ITSN2: variants seen among roughly 807,000 people sequenced by gnomAD.
ITSN2 encodes intersectin 2.
A neutral mutation model predicts 243.7 loss-of-function variants in ITSN2; 156 were observed. That is an observed-to-expected ratio of 0.64 (90% CI 0.56 to 0.73). ITSN2 has a LOEUF of 0.73. ITSN2 is among the 30% of genes least tolerant of loss of function. ITSN2 has a pLI of 0.00. For missense variants in ITSN2, 1,801 were observed against 1,996.1 expected, an observed-to-expected ratio of 0.90 and a Z score of 1.86; for synonymous variants, 703 against 699.9, an observed-to-expected ratio of 1.00 and a Z score of -0.07.
intron 1 of ITSN2, among the ~76,000 whole-genome samples, chr2:24,350,694 A>G (rs1017342874): frequency 1.4e-4 from 22 of 152,238 alleles, no homozygotes; most frequent in African/African-American, 5.3e-4. Context: ...GATCTATGCT[A>G]TAACATTGAT....
intron 25 of ITSN2, 53 bp from the exon 26 acceptor site, chr2:24,248,935 A>C: frequency 6.6e-7 from 1 of 1,521,440 alleles, no homozygotes; most frequent in East Asian, 2.3e-5. Context: ...TCCAAATGTA[A>C]AAGTATAAAG....
At chr2:24,241,864 G>A (rs1356020942) in intron 29 of ITSN2, 1 of 152,520 alleles carries the variant, frequency 6.6e-6, no homozygotes, top group Non-Finnish European at 1.5e-5. Context: ...CAAATAGTGG[G>A]TCTTTGTGTG....
intron 1 of ITSN2, among the ~76,000 whole-genome samples, chr2:24,358,744 AT>A (rs890052924): frequency 7.9e-5 from 12 of 152,218 alleles, no homozygotes; most frequent in African/African-American, 2.7e-4. Context: ...GAAAATACAA[AT>A]TTTTTAACAC....
At chr2:24,224,197 C>T (rs899507880) in intron 29 of ITSN2, among the ~76,000 whole-genome samples, 1 of 152,222 alleles carries the variant, frequency 6.6e-6, no homozygotes, top group African/African-American at 2.4e-5. Context: ...CCCCACCTCC[C>T]ACACCACTGT....
chr2:24,317,540 G>A (rs1684079198), intron 2 of ITSN2, among the ~76,000 whole-genome samples: 1 of 152,226 alleles, frequency 6.6e-6, no homozygotes. Flanking sequence ...CAGCCTCAGA[G>A]GCAGCTATGC....
chr2:24,235,589 T>A (rs1558461740), intron 29 of ITSN2, among the ~76,000 whole-genome samples: 1 of 152,190 alleles, frequency 6.6e-6, no homozygotes, highest in Non-Finnish European at 1.5e-5. Context: ...AAGGGACATA[T>A]GGGATATCTC....
rs146258207 is a variant in ITSN2 at position 24,247,854 on chromosome 2, G to A, written c.3288+775C>T. ...TGTAAAGAGTCATGTTTCCCACTTA[G>A]TTCGGTCCATCTTCAAAGTAAATCA... On this transcript the variant is annotated intron_variant, in intron 27 of 39. Coordinates refer to ENST00000355123, the MANE Select transcript of ITSN2 (RefSeq NM_006277.3). 3.9e-5 allele frequency among the ~76,000 whole-genome samples: 6 copies of A among 152,194 alleles called. No individual in the cohort carries two copies. The East Asian group carries it at 1.2e-3, about 29-fold the overall frequency.
chr2:24,242,939 G>C (rs895469893), intron 29 of ITSN2, among the ~76,000 whole-genome samples: 1 of 152,082 alleles, frequency 6.6e-6, no homozygotes, highest in Non-Finnish European at 1.5e-5. Context: ...TTATAACAAA[G>C]AGAAATTCGA....
At chr2:24,346,054 G>T (rs1687496991) in intron 1 of ITSN2, among the ~76,000 whole-genome samples, 1 of 152,136 alleles carries the variant, frequency 6.6e-6, no homozygotes, top group African/African-American at 2.4e-5. Context: ...ACCACCACTT[G>T]CGATGTCTAG....
At chr2:24,221,151 A>G (rs1471992138) in intron 29 of ITSN2, 85 bp from the exon 30 acceptor site, 8 of 1,413,490 alleles carry the variant, frequency 5.7e-6, no homozygotes, top group South Asian at 1.3e-5. Context: ...TGCTGGGTTT[A>G]CAAATGCTGC....
intron 12 of ITSN2, among the ~76,000 whole-genome samples, chr2:24,299,634 C>G (rs1558580344): frequency 6.6e-6 from 1 of 152,188 alleles, no homozygotes; most frequent in Non-Finnish European, 1.5e-5. Flanking sequence ...GCTCCTCACT[C>G]AACTTAGCTC....
chr2:24,215,285 CTT>C (rs1669850850), intron 32 of ITSN2, among the ~76,000 whole-genome samples: 1 of 152,178 alleles, frequency 6.6e-6, no homozygotes, highest in African/African-American at 2.4e-5. Flanking sequence ...CTGGTATCGT[CTT>C]TGTTTCCTAC....
chr2:24,209,013 G>A, intron 36 of ITSN2, 87 bp downstream of exon 36: 1 of 1,473,020 alleles, frequency 6.8e-7, no homozygotes, highest in Non-Finnish European at 9.4e-7. Flanking sequence ...TGGGGCTTAA[G>A]CACGGCTGGA....
At chr2:24,353,482 G>A (rs1688193736) in intron 1 of ITSN2, among the ~76,000 whole-genome samples, 2 of 152,130 alleles carry the variant, frequency 1.3e-5, no homozygotes, top group Admixed American at 6.6e-5. Context: ...TGAGGTGGGA[G>A]GATGGCTTGA....
At chr2:24,218,393 T>C (rs1670159837) in intron 30 of ITSN2, among the ~76,000 whole-genome samples, 1 of 152,246 alleles carries the variant, frequency 6.6e-6, no homozygotes, top group Non-Finnish European at 1.5e-5. Context: ...CGTAGAGTTC[T>C]AGACAACAAT....
intron 15 of ITSN2, among the ~76,000 whole-genome samples, chr2:24,292,270 G>A (rs139489240): frequency 1.6e-4 from 25 of 152,060 alleles, no homozygotes; most frequent in African/African-American, 4.8e-4. Flanking sequence ...GCCCCATCAC[G>A]TCCTCAATAA....
At chr2:24,332,193 G>A (rs1685868881) in intron 1 of ITSN2, among the ~76,000 whole-genome samples, 1 of 152,166 alleles carries the variant, frequency 6.6e-6, no homozygotes, top group African/African-American at 2.4e-5. Flanking sequence ...AGTGAGCCAA[G>A]ATCAGGCCAT....
chr2:24,209,245 CA>C, intron 35 of ITSN2, 24 bp from the exon 36 acceptor site: 1 of 1,613,178 alleles, frequency 6.2e-7, no homozygotes, highest in Non-Finnish European at 8.5e-7. Context: ...GGCCAAAACA[CA>C]GGCTGTGAGA....
chr2:24,329,044 C>G (rs1340210885), intron 1 of ITSN2, among the ~76,000 whole-genome samples: 3 of 152,166 alleles, frequency 2.0e-5, no homozygotes, highest in Non-Finnish European at 4.4e-5. Context: ...ACTCAGATTA[C>G]TCATCTATAA....
Sources: gnomAD v4.1 joint callset for allele counts (sites outside exome capture counted in the v4.1 genomes callset) on GRCh38, gnomAD v4.1.1 for gene constraint, MANE v1.5 for transcripts, NCBI Gene and HGNC (gene_info 2026-07-23, HGNC 2026-07-21) for gene names.